Variants in PDE8B observed in about 807,000 individuals in gnomAD.
PDE8B encodes phosphodiesterase 8B.
Under a neutral mutation model 101.3 loss-of-function variants are expected in PDE8B, and 26 were observed. That is an observed-to-expected ratio of 0.26 (90% CI 0.19 to 0.36). The LOEUF (loss-of-function observed/expected upper bound fraction) is 0.36, where lower values mean the gene tolerates loss of function less well. Among genes scored for constraint, PDE8B ranks in the 10% least tolerant of loss-of-function variants. PDE8B has a pLI of 1.00. For missense variants in PDE8B, 810 were observed against 1,163.1 expected (o/e 0.70, Z 4.42); for synonymous variants, 424 against 429.3 (o/e 0.99, Z 0.15).
At chr5:77,312,306 G>T (rs1439586446) in intron 2 of PDE8B, among the ~76,000 whole-genome samples, 1 of 152,064 alleles carries the variant, frequency 6.6e-6, no homozygotes, top group Non-Finnish European at 1.5e-5. Context: ...GTTTCACCAT[G>T]TTGGCCAGAC....
chr5:77,361,698 T>G (rs1477577209), intron 10 of PDE8B, among the ~76,000 whole-genome samples: 1 of 152,090 alleles, frequency 6.6e-6, no homozygotes, highest in Non-Finnish European at 1.5e-5. Context: ...GTATTTTTAG[T>G]AGAGATAGGG....
chr5:77,169,024 G>A, the PDE8B span, among the ~76,000 whole-genome samples: 1 of 152,172 alleles, frequency 6.6e-6, no homozygotes, highest in African/African-American at 2.4e-5. Context: ...AACAGAGTCT[G>A]GGGATTCAAA....
intron 10 of PDE8B, among the ~76,000 whole-genome samples, chr5:77,374,407 A>G (rs1032137063): frequency 6.6e-6 from 1 of 151,878 alleles, no homozygotes; most frequent in Non-Finnish European, 1.5e-5. Flanking sequence ...CCATTTTAAC[A>G]TCTGTTTTTT....
intron 1 of PDE8B, among the ~76,000 whole-genome samples, chr5:77,310,074 C>G (rs991800359): frequency 6.6e-5 from 10 of 151,208 alleles, no homozygotes; most frequent in African/African-American, 2.4e-4. Flanking sequence ...CTCAGCCTCC[C>G]AAGCAGCTGG....
the PDE8B span, among the ~76,000 whole-genome samples, chr5:77,102,817 C>T: frequency 1.3e-4 from 20 of 152,312 alleles, no homozygotes; most frequent in Middle Eastern, 6.8e-3. Flanking sequence ...GTGTTCCCTG[C>T]GGTGCTCTCT....
chr5:77,265,622 C>T (rs1246144107), intron 1 of PDE8B, among the ~76,000 whole-genome samples: 1 of 152,142 alleles, frequency 6.6e-6, no homozygotes, highest in African/African-American at 2.4e-5. Flanking sequence ...CTATAAGTCT[C>T]TTGGAAATTT....
chr5:77,106,853 C>T, the PDE8B span, among the ~76,000 whole-genome samples: 20 of 151,738 alleles, frequency 1.3e-4, no homozygotes, highest in African/African-American at 3.4e-4. Flanking sequence ...TATTTTTTGA[C>T]GGCATTGTAA....
chr5:77,418,841 G>A (rs1315457674), intron 18 of PDE8B, among the ~76,000 whole-genome samples: 1 of 152,162 alleles, frequency 6.6e-6, no homozygotes, highest in Non-Finnish European at 1.5e-5. Flanking sequence ...CCCACAGAGC[G>A]GGAGCACGAA....
In PDE8B at chr5:77,211,220, A is replaced by T. The variant is rs763379496; in HGVS notation, c.295A>T (p.Ser99Cys). 1.9e-6 allele frequency: 3 copies of T among 1,572,632 alleles called. No homozygotes were observed. The highest frequency in any genetic ancestry group is 2.6e-6 in the Non-Finnish European group (3 of 1,167,750). Residue 99 changes from serine (S) to cysteine (C), a missense_variant, in exon 1 of 22, where the codon AGC (serine) becomes TGC (cysteine). Physicochemically the swap from Ser to Cys is moderately radical, Grantham distance 112. Coordinates refer to ENST00000264917, the MANE Select transcript of PDE8B (RefSeq NM_003719.5). This position sits in a 1 kb window ranked among gnomAD's most constrained non-coding sequence, Gnocchi z 4.1. ...CAGGGGCCGGAGGCGCCACTGCTGC[A>T]GCAGCGCCGAGGCCGAGACTCAGAC... ...TSRGRRRHCC[S>C]SAEAETQTCY...
intron 10 of PDE8B, among the ~76,000 whole-genome samples, chr5:77,376,050 G>A (rs1384850746): frequency 1.3e-5 from 2 of 151,966 alleles, no homozygotes; most frequent in Non-Finnish European, 2.9e-5. Context: ...GTGCCACCAC[G>A]CCTGGCTAAT....
chr5:77,264,825 G>C (rs563302542), intron 1 of PDE8B, among the ~76,000 whole-genome samples: 1 of 152,228 alleles, frequency 6.6e-6, no homozygotes, highest in African/African-American at 2.4e-5. Flanking sequence ...GATCAGCTTT[G>C]TTCAATAGGT....
chr5:77,161,370 G>T, the PDE8B span, among the ~76,000 whole-genome samples: 1 of 151,986 alleles, frequency 6.6e-6, no homozygotes, highest in Admixed American at 6.5e-5. Context: ...CCTTTTTATC[G>T]TTGTATAGTT....
At chr5:77,090,144 G>A in the PDE8B span, among the ~76,000 whole-genome samples, 2 of 152,090 alleles carry the variant, frequency 1.3e-5, no homozygotes, top group Non-Finnish European at 2.9e-5. Flanking sequence ...GTGAAGACAG[G>A]TTGGTGAATG....
At chr5:77,368,417 C>A (rs115350077) in intron 10 of PDE8B, among the ~76,000 whole-genome samples, 80 of 152,336 alleles carry the variant, frequency 5.3e-4, no homozygotes, top group African/African-American at 1.9e-3. Flanking sequence ...GCTTCTTACA[C>A]CCTGTTACTC....
In PDE8B at chr5:77,412,149, T is replaced by C. The variant is rs765802809; in HGVS notation, c.1626T>C (p.Asp542=). 8.7e-6 allele frequency: 14 copies of C among 1,613,798 alleles called. No homozygotes were observed. The highest frequency in any genetic ancestry group is 1.2e-5 in the Non-Finnish European group (14 of 1,179,754). The change falls in exon 16 of 22, where the codon GAT becomes GAC. Residue 542 remains aspartate, a synonymous_variant. Coordinates refer to ENST00000264917, the MANE Select transcript of PDE8B (RefSeq NM_003719.5). ...TTGCAATGCCAATAACCATCAATGATGTTCCCCCTTGTATCTCTCAATTAC... is the reference window on the plus strand; with the variant it reads ...TTGCAATGCCAATAACCATCAATGACGTTCCCCCTTGTATCTCTCAATTAC... ...SHLAMPITIN[D]VPPCISQLLD...
chr5:77,226,869 T>C (rs1752503289), intron 1 of PDE8B, among the ~76,000 whole-genome samples: 1 of 152,096 alleles, frequency 6.6e-6, no homozygotes, highest in Non-Finnish European at 1.5e-5. Flanking sequence ...TTAGAGGAGG[T>C]TTGTCTTGCA....
At chr5:77,192,694 C>A in the PDE8B span, among the ~76,000 whole-genome samples, 6 of 152,072 alleles carry the variant, frequency 3.9e-5, no homozygotes, top group African/African-American at 1.4e-4. Flanking sequence ...GGGTAAGTGC[C>A]TAGAAATGAA....
chr5:77,426,362 C>A lies in PDE8B; in HGVS notation c.2549-83C>A, dbSNP rs1798142254. 1.3e-5 allele frequency: 11 copies of A among 870,698 alleles called. No homozygotes were observed. In the Admixed American group the frequency reaches 2.1e-4, roughly 17 times the overall value. The allele number at this position is 870,698 out of a possible 1,614,324, so 53.9% of individuals were successfully genotyped here. A position where few individuals can be genotyped will look rare whatever the true frequency, so the allele number is the denominator to read the frequency against. On this transcript the variant is annotated intron_variant, in intron 21 of 21. Transcript: ENST00000264917. ...TGCCTCCTCTAATTCTGATCCCAAA[C>A]TTGTCCCAGACACCCCCAGGCTTAT...
chr5:77,141,464 C>G, the PDE8B span: 1 of 152,182 alleles, frequency 6.6e-6, no homozygotes, highest in Non-Finnish European at 1.5e-5. Flanking sequence ...AGGTCATCTG[C>G]TTTGAATCTC....
Sources: allele counts gnomAD v4.1 joint callset (sites outside exome capture counted in the v4.1 genomes callset), GRCh38; gene constraint gnomAD v4.1.1; non-coding constraint Gnocchi (gnomAD v3.1); transcripts MANE v1.5; gene names NCBI Gene and HGNC (gene_info 2026-07-23, HGNC 2026-07-21).